Variants in SIK2 observed in about 807,000 individuals in gnomAD.
SIK2 encodes salt inducible kinase 2.
A neutral mutation model predicts 103.2 loss-of-function variants in SIK2; 29 were observed. The observed-to-expected ratio is 0.28, with a 90% CI of 0.21 to 0.38. The LOEUF (loss-of-function observed/expected upper bound fraction) is 0.38. Among genes scored for constraint, SIK2 ranks in the 10% least tolerant of loss-of-function variants. The pLI is 1.00. For missense variants in SIK2, 879 were observed against 1,171.0 expected (o/e 0.75, Z 3.64); for synonymous variants, 412 against 446.1 (o/e 0.92, Z 0.96).
At position 111,723,816 on chromosome 11, in the gene SIK2, C is replaced by T. The variant is rs776252861; in HGVS notation, c.2468C>T (p.Pro823Leu). ...CCCACGCAGCTACAGCAGCAGCAGC[C>T]GCCACCGCCACCACCCCCTCCACCA... is the stretch of plus-strand genomic sequence containing the variant. ...PLPTQLQQQQ[P>L]PPPPPPPPPR... Residue 823 changes from proline (P) to leucine (L), a missense_variant, in exon 15 of 15, where the codon CCG becomes CTG. Pro to Leu is a moderately conservative substitution (Grantham distance 98, BLOSUM62 -3). Around this residue, in one of 7 missense-constraint regions of SIK2, gnomAD observed 375 missense variants for 416.3 expected, o/e 0.90. Coordinates refer to ENST00000304987, the MANE Select transcript of SIK2 (RefSeq NM_015191.3). 15 of 1,613,298 alleles carry T rather than the reference C, an allele frequency of 9.3e-6. No homozygotes were observed. The highest frequency in any genetic ancestry group is 2.7e-5 in the African/African-American group (2 of 74,922).
At chr11:111,698,839 A>G (rs547334422) in intron 4 of SIK2, among the ~76,000 whole-genome samples, 17 of 152,348 alleles carry the variant, frequency 1.1e-4, no homozygotes, top group African/African-American at 3.8e-4. Flanking sequence ...GTATTTCAGG[A>G]TCTCTGAACA....
intron 6 of SIK2, 85 bp from the exon 7 acceptor site, chr11:111,703,118 C>G: frequency 8.2e-7 from 1 of 1,215,042 alleles, no homozygotes. Flanking sequence ...GATTAACACC[C>G]TTGTACAAAG....
At chr11:111,610,834 G>T (rs12794926) in intron 1 of SIK2, among the ~76,000 whole-genome samples, 28 of 152,050 alleles carry the variant, frequency 1.8e-4, no homozygotes. Flanking sequence ...AATAATACAT[G>T]TTCACTGAAG....
Position 111,728,033 on chromosome 11 carries a change from T to C in SIK2, c.*3904T>C, listed in dbSNP as rs1416834877. ...TAACTTTTTCCCATTCGACCTCCTA[T>C]AGAGACAATATGCAGTGTGTCATTT... On this transcript the variant is annotated 3_prime_UTR_variant, in exon 15 of 15. Transcript: ENST00000304987. The C allele has an allele frequency of 6.6e-6, 1 of 152,200 alleles. No homozygotes were observed. The highest frequency in any genetic ancestry group is 1.5e-5 in the Non-Finnish European group (1 of 68,042). The allele number at this position is 152,200 out of a possible 1,614,324, so 9.4% of individuals were successfully genotyped here.
chr11:111,650,896 C>A (rs2135863535), intron 3 of SIK2, among the ~76,000 whole-genome samples: 1 of 152,100 alleles, frequency 6.6e-6, no homozygotes, highest in African/African-American at 2.4e-5. Flanking sequence ...CATGAGTTTT[C>A]TAGAAAGAGT....
Position 111,620,328 on chromosome 11 carries a change from T to A in SIK2, c.253-11T>A. 6.5e-7 allele frequency: 1 copy of A among 1,539,696 alleles called. No individual in the cohort carries two copies. The highest frequency in any genetic ancestry group is 8.9e-7 in the Non-Finnish European group (1 of 1,129,578). On this transcript the variant is annotated splice_polypyrimidine_tract_variant and intron_variant, in intron 2 of 14. Coordinates refer to ENST00000304987, the MANE Select transcript of SIK2 (RefSeq NM_015191.3). ...TTTCTGTCAGACTAATATGGAATTA[T>A]TTATCAATAGGTAATGGAGACCAAA...
intron 12 of SIK2, among the ~76,000 whole-genome samples, chr11:111,721,559 C>T (rs576212073): frequency 1.3e-3 from 195 of 152,248 alleles, no homozygotes; most frequent in African/African-American, 4.1e-3. Flanking sequence ...GATTATAGTT[C>T]GAGGCCCACA....
At chr11:111,619,918 A>ATAAC (rs1241348470) in intron 2 of SIK2, among the ~76,000 whole-genome samples, 1 of 152,226 alleles carries the variant, frequency 6.6e-6, no homozygotes, top group Non-Finnish European at 1.5e-5. Flanking sequence ...ATCTACCATG[A>ATAAC]TAACATAGGA....
In SIK2 at chr11:111,701,160, A is replaced by C. The variant is rs1943203818; in HGVS notation, c.603+150A>C. ...GACTATAATTACTCAGAGCATCTTGAAATGGATCCCTAGGAAAGAATTTCT... is the reference window on the plus strand; with the variant it reads ...GACTATAATTACTCAGAGCATCTTGCAATGGATCCCTAGGAAAGAATTTCT... On this transcript the variant is annotated intron_variant, in intron 5 of 14. Coordinates refer to ENST00000304987, the MANE Select transcript of SIK2 (RefSeq NM_015191.3). This position sits in a 1 kb window ranked among gnomAD's most constrained non-coding sequence, Gnocchi z 4.2. 2 of 1,136,248 alleles carry C rather than the reference A, an allele frequency of 1.8e-6. No homozygotes were observed. Among genetic ancestry groups the C allele is most frequent in the Admixed American group, 6.3e-5 (2 of 31,862 alleles). 70.4% of individuals were successfully genotyped at this position (1,136,248 alleles called of 1,614,324 possible). A position where few individuals can be genotyped will look rare whatever the true frequency, so the allele number is the denominator to read the frequency against.
chr11:111,656,036 A>T (rs1388760432), intron 3 of SIK2, among the ~76,000 whole-genome samples: 1 of 151,958 alleles, frequency 6.6e-6, no homozygotes, highest in South Asian at 2.1e-4. Context: ...AAAAAAAAAA[A>T]AAAAATAGCC....
At chr11:111,643,585 C>T (rs1454019119) in intron 3 of SIK2, among the ~76,000 whole-genome samples, 1 of 152,048 alleles carries the variant, frequency 6.6e-6, no homozygotes. Context: ...CCGAGACTGG[C>T]AGATCACCTG....
intron 1 of SIK2, among the ~76,000 whole-genome samples, chr11:111,612,006 A>T (rs973569739): frequency 6.6e-6 from 1 of 152,104 alleles, no homozygotes; most frequent in Non-Finnish European, 1.5e-5. Context: ...AAATGTGTTC[A>T]TCTTCTTCTT....
chr11:111,694,177 C>A (rs1024041269), intron 4 of SIK2, among the ~76,000 whole-genome samples: 3 of 152,128 alleles, frequency 2.0e-5, no homozygotes, highest in Non-Finnish European at 2.9e-5. Flanking sequence ...ATAATTGATT[C>A]CCTGTGAAAA....
At chr11:111,629,884 A>G (rs1188821048) in intron 3 of SIK2, among the ~76,000 whole-genome samples, 1 of 152,190 alleles carries the variant, frequency 6.6e-6, no homozygotes, top group African/African-American at 2.4e-5. Flanking sequence ...AAATGGTACA[A>G]CCAGTTGGGA....
chr11:111,622,489 C>A (rs1013576537), intron 3 of SIK2, among the ~76,000 whole-genome samples: 2 of 151,888 alleles, frequency 1.3e-5, no homozygotes, highest in African/African-American at 4.8e-5. Flanking sequence ...CACCTGACAT[C>A]GTGATCCGCC....
At chr11:111,641,467 C>T (rs534601740) in intron 3 of SIK2, among the ~76,000 whole-genome samples, 1 of 152,260 alleles carries the variant, frequency 6.6e-6, no homozygotes, top group African/African-American at 2.4e-5. Flanking sequence ...TTTTTTATAT[C>T]TAATTAGTTG....
chr11:111,675,807 A>T (rs369796754), intron 3 of SIK2, among the ~76,000 whole-genome samples: 2 of 152,160 alleles, frequency 1.3e-5, no homozygotes, highest in Admixed American at 6.5e-5. Context: ...TACATGGGTA[A>T]ATTGTATGTT....
chr11:111,658,867 G>A (rs1171474282), intron 3 of SIK2, among the ~76,000 whole-genome samples: 1 of 152,192 alleles, frequency 6.6e-6, no homozygotes, highest in Non-Finnish European at 1.5e-5. Context: ...GAACTCATTT[G>A]GGGAAGAGGT....
chr11:111,664,577 C>T (rs761476069), intron 3 of SIK2, among the ~76,000 whole-genome samples: 4 of 152,194 alleles, frequency 2.6e-5, no homozygotes, highest in Non-Finnish European at 5.9e-5. Flanking sequence ...GATCGCGCCA[C>T]TGCACTGCAG....
Sources: allele counts gnomAD v4.1 joint callset (sites outside exome capture counted in the v4.1 genomes callset), GRCh38; gene constraint gnomAD v4.1.1; regional missense constraint gnomAD v4.1.1; non-coding constraint Gnocchi (gnomAD v3.1); transcripts MANE v1.5; gene names NCBI Gene and HGNC (gene_info 2026-07-23, HGNC 2026-07-21).